Variants in GAPDHS observed in about 807,000 individuals in gnomAD.
The protein encoded by GAPDHS is glyceraldehyde-3-phosphate dehydrogenase, spermatogenic, also known as glyceraldehyde-3-phosphate dehydrogenase, testis-specific.
GAPDHS carries 42 observed loss-of-function variants against 48.7 expected under a neutral mutation model. The ratio of observed to expected loss-of-function variants is 0.86; its 90% CI spans 0.67 to 1.12. The LOEUF is 1.12. Among genes scored for constraint, GAPDHS ranks in the 50% most tolerant of loss-of-function variants. The pLI is 0.00. For synonymous variants in GAPDHS, 166 were observed against 219.1 expected, an observed-to-expected ratio of 0.76 and a Z score of 2.14; for missense variants, 512 against 557.7, an observed-to-expected ratio of 0.92 and a Z score of 0.82.
intron 9 of GAPDHS, chr19:35,544,680 C>G (rs1600135635): frequency 1.7e-6 from 1 of 578,910 alleles, no homozygotes; most frequent in Non-Finnish European, 3.1e-6. Flanking sequence ...TGTACTGGTA[C>G]AGCATGAGGG....
chr19:35,538,602 C>T lies in GAPDHS; in HGVS notation c.368C>T (p.Thr123Ile), dbSNP rs2146294136. ...YMVYMFKYDS[T>I]HGRYKGSVEF... Reference sequence around the variant, plus strand: ...GTGTACATGTTTAAGTATGACTCCACCCACGGCCGATACAAGGGAAGTGTG... The same window carrying T: ...GTGTACATGTTTAAGTATGACTCCATCCACGGCCGATACAAGGGAAGTGTG... The change falls in exon 4 of 11, where the codon ACC becomes ATC. Residue 123 changes from threonine to isoleucine, a missense_variant. Thr to Ile is a moderately conservative substitution (Grantham distance 89). Transcript: ENST00000222286. 6.2e-7 allele frequency: 1 copy of T among 1,610,540 alleles called. No individual in the cohort carries two copies. The highest frequency in any genetic ancestry group is 2.2e-5 in the East Asian group (1 of 44,848).
At chr19:35,540,502 G>A (rs1383852102) in intron 4 of GAPDHS, among the ~76,000 whole-genome samples, 3 of 152,164 alleles carry the variant, frequency 2.0e-5, no homozygotes, top group African/African-American at 7.2e-5. Flanking sequence ...AGCTCGTTGG[G>A]CCAGATGATG....
intron 9 of GAPDHS, 77 bp downstream of exon 9, chr19:35,543,904 C>T (rs1019084497): frequency 4.1e-6 from 6 of 1,458,384 alleles, no homozygotes; most frequent in Admixed American, 2.6e-5. Context: ...GGGAGCTGCT[C>T]TCAATGTGCC....
At chr19:35,539,908 C>CTGA (rs1568682575) in intron 4 of GAPDHS, among the ~76,000 whole-genome samples, 5 of 152,338 alleles carry the variant, frequency 3.3e-5, no homozygotes, top group African/African-American at 1.2e-4. Flanking sequence ...CTGCCCCCTC[C>CTGA]GTCCACGGTC....
At chr19:35,544,575 T>C (rs1010161018) in intron 9 of GAPDHS, 5 of 334,592 alleles carry the variant, frequency 1.5e-5, no homozygotes, top group Non-Finnish European at 2.8e-5. Flanking sequence ...CGGTCAGATC[T>C]TTCTAGTCAT....
rs1431100673 is a variant in GAPDHS at position 35,545,265 on chromosome 19, G to A, written c.*95G>A. ...GCTGCCCGGGGGAGGAAGGACACCCGGGGCGGGCGCCCCACGCCGATGGGT... is the reference window on the plus strand; with the variant it reads ...GCTGCCCGGGGGAGGAAGGACACCCAGGGCGGGCGCCCCACGCCGATGGGT... On this transcript the variant is annotated 3_prime_UTR_variant, in exon 11 of 11. Transcript: ENST00000222286. 1 of 1,031,332 alleles carries A rather than the reference G, an allele frequency of 9.7e-7. No individual in the cohort carries two copies. 63.9% of individuals were successfully genotyped at this position (1,031,332 alleles called of 1,614,324 possible). A position where few individuals can be genotyped will look rare whatever the true frequency, so the allele number is the denominator to read the frequency against.
chr19:35,544,597 C>T lies in GAPDHS; in HGVS notation c.1057-312C>T, dbSNP rs2071531452. The T allele has an allele frequency of 1.0e-5, 4 of 396,010 alleles. No individual in the cohort carries two copies. The Admixed American group carries it at 1.1e-4, about 11-fold the overall frequency. The allele number at this position is 396,010 out of a possible 1,614,324, so 24.5% of individuals were successfully genotyped here. ...ATCTTTCTAGTCATCTAGACCCAGG[C>T]TCATGGCCACCCCTCAGAGAGGCCC... is the stretch of plus-strand genomic sequence containing the variant. On this transcript the variant is annotated intron_variant, in intron 9 of 10. Coordinates refer to ENST00000222286, the MANE Select transcript of GAPDHS (RefSeq NM_014364.5).
chr19:35,535,392 T>G (rs2071458989), intron 1 of GAPDHS, among the ~76,000 whole-genome samples: 1 of 150,738 alleles, frequency 6.6e-6, no homozygotes, highest in African/African-American at 2.5e-5. Context: ...TTATTTTTTA[T>G]TTTTTTTTGG....
chr19:35,534,145 C>G (rs919161708), intron 1 of GAPDHS, among the ~76,000 whole-genome samples: 3 of 152,126 alleles, frequency 2.0e-5, no homozygotes, highest in Admixed American at 1.3e-4. Flanking sequence ...TAAGAGAGGG[C>G]AAACTACTTC....
chr19:35,544,073 C>T (rs1263191067), intron 9 of GAPDHS: 1 of 515,314 alleles, frequency 1.9e-6, no homozygotes, highest in Non-Finnish European at 3.2e-6. Flanking sequence ...AGCAAGGCAC[C>T]CCCTCAAAAT....
intron 9 of GAPDHS, chr19:35,544,055 C>T: frequency 3.1e-6 from 2 of 641,238 alleles, no homozygotes; most frequent in East Asian, 6.5e-5. Flanking sequence ...GGAGGAACCT[C>T]CCTCTTCAGC....
rs772652010 is a variant in GAPDHS at position 35,543,744 on chromosome 19, GC to G, written c.978del (p.Tyr327ThrfsTer8). 3 of 1,613,834 alleles carry G rather than the reference GC, an allele frequency of 1.9e-6. No homozygotes were observed. In the Admixed American group the frequency reaches 5.0e-5, roughly 27 times the overall value. ...CCTGACCTGCCGCCTCGCCCAGCCT[GC>G]CCCCTACTCAGCCATCAAGGAGGCT... ...VDLTCRLAQPAPYSAIKEAVK... is the reference protein window; with the variant it reads ...VDLTCRLAQPXPYSAIKEAVK... On this transcript the variant is annotated frameshift_variant, in exon 9 of 11. Coordinates refer to ENST00000222286, the MANE Select transcript of GAPDHS (RefSeq NM_014364.5). LOFTEE classifies it high-confidence loss of function.
intron 8 of GAPDHS, 59 bp from the exon 9 acceptor site, chr19:35,543,606 G>A: frequency 6.3e-7 from 1 of 1,593,030 alleles, no homozygotes; most frequent in South Asian, 1.1e-5. Flanking sequence ...CAGGGAAAGG[G>A]GGAATGGAGG....
At chr19:35,541,922 G>T (rs1469762893) in intron 4 of GAPDHS, 2 of 221,428 alleles carry the variant, frequency 9.0e-6, no homozygotes, top group Non-Finnish European at 1.8e-5. Flanking sequence ...TGGCGAGGTT[G>T]TCAGAGCTGG....
At chr19:35,539,346 C>T (rs1451645683) in intron 4 of GAPDHS, among the ~76,000 whole-genome samples, 5 of 152,224 alleles carry the variant, frequency 3.3e-5, no homozygotes, top group African/African-American at 1.2e-4. Context: ...TATAATGAGG[C>T]TTGTGCGAAC....
At chr19:35,537,102 GACCCT>G (rs1420891611) in intron 2 of GAPDHS, 112 bp downstream of exon 2, 2 of 895,890 alleles carry the variant, frequency 2.2e-6, no homozygotes, top group Non-Finnish European at 3.4e-6. Context: ...TCGTTCCGAC[GACCCT>G]GGAGAAATAG....
intron 9 of GAPDHS, 26 bp from the exon 10 acceptor site, chr19:35,544,883 C>G: frequency 6.8e-7 from 1 of 1,469,186 alleles, no homozygotes; most frequent in Non-Finnish European, 9.5e-7. Flanking sequence ...GCCGGACACA[C>G]TTATCTTTGA....
At chr19:35,540,337 C>T (rs1301177268) in intron 4 of GAPDHS, among the ~76,000 whole-genome samples, 1 of 152,220 alleles carries the variant, frequency 6.6e-6, no homozygotes, top group Non-Finnish European at 1.5e-5. Flanking sequence ...TCAAAACAGC[C>T]TGGTGGGCAG....
Position 35,545,158 on chromosome 19 carries a change from C to T in GAPDHS, c.1215C>T (p.Ser405=). Reference sequence around the variant, plus strand: ...TCGACCTCCTCCGCTACATGTTCAGCCGAGACAAGTGAAACGGGAAGGTCC... The same window carrying T: ...TCGACCTCCTCCGCTACATGTTCAGTCGAGACAAGTGAAACGGGAAGGTCC... ...RVVDLLRYMF[S]RDK The change falls in exon 11 of 11, where the codon AGC becomes AGT. Residue 405 remains serine (S), a synonymous_variant. Coordinates refer to ENST00000222286, the MANE Select transcript of GAPDHS (RefSeq NM_014364.5). 1 of 1,613,236 alleles carries T rather than the reference C, an allele frequency of 6.2e-7. No individual in the cohort carries two copies.
Sources: gnomAD v4.1 joint callset for allele counts (sites outside exome capture counted in the v4.1 genomes callset) on GRCh38, gnomAD v4.1.1 for gene constraint, MANE v1.5 for transcripts, NCBI Gene and HGNC (gene_info 2026-07-23, HGNC 2026-07-21) for gene names.